The following DGKB variants were observed in gnomAD, a reference collection of about 807,000 sequenced individuals.
DGKB encodes the protein diacylglycerol kinase beta.
Under a neutral mutation model 114.3 loss-of-function variants are expected in DGKB, and 67 were observed. The ratio of observed to expected loss-of-function variants is 0.59; its 90% CI spans 0.48 to 0.72. The LOEUF is 0.72. Ranked by LOEUF, DGKB falls within the 30% of genes least tolerant of loss-of-function variation. The probability of loss-of-function intolerance (pLI) is 0.00; values close to 1 mark genes in which losing one functional copy is unlikely to be tolerated. For synonymous variants in DGKB, 398 were observed against 323.1 expected (o/e 1.23, Z -2.49); for missense variants, 907 against 975.2 (o/e 0.93, Z 0.93).
chr7:14,918,010 A>G (rs550392069), intron 1 of DGKB, among the ~76,000 whole-genome samples: 1 of 152,270 alleles, frequency 6.6e-6, no homozygotes, highest in African/African-American at 2.4e-5. Context: ...AAATTATACG[A>G]TCATATTAAT....
chr7:14,924,895 A>T (rs764606920), intron 1 of DGKB, among the ~76,000 whole-genome samples: 1 of 152,080 alleles, frequency 6.6e-6, no homozygotes, highest in Admixed American at 6.5e-5. Flanking sequence ...TTGCCTTTTG[A>T]TAATCACATC....
intron 5 of DGKB, among the ~76,000 whole-genome samples, chr7:14,728,748 G>A (rs1830395650): frequency 6.6e-6 from 1 of 151,432 alleles, no homozygotes; most frequent in Non-Finnish European, 1.5e-5. Flanking sequence ...CTGTCGTGCA[G>A]GCTGGAGTGC....
At chr7:14,551,091 G>T (rs1010618408) in intron 20 of DGKB, among the ~76,000 whole-genome samples, 14 of 152,080 alleles carry the variant, frequency 9.2e-5, no homozygotes, top group African/African-American at 3.1e-4. Context: ...GAAATTTATG[G>T]TTATGAGAAT....
chr7:14,782,934 G>A (rs1323366377), intron 2 of DGKB, among the ~76,000 whole-genome samples: 3 of 152,088 alleles, frequency 2.0e-5, no homozygotes, highest in Non-Finnish European at 4.4e-5. Flanking sequence ...CTGGGCTCAA[G>A]AAATCCCCCA....
chr7:14,372,791 A>G lies in DGKB; in HGVS notation c.1836-27400T>C, dbSNP rs1399747614. Reference sequence around the variant, plus strand: ...AAATGGCTATTTTTTCAAACATTTTAGCTCTAGAAGGATTTATTCAAGTTT... The same window carrying G: ...AAATGGCTATTTTTTCAAACATTTTGGCTCTAGAAGGATTTATTCAAGTTT... On this transcript the variant is annotated intron_variant, in intron 21 of 25. Coordinates refer to ENST00000402815, the MANE Select transcript of DGKB (RefSeq NM_001350709.2). Among the ~76,000 whole-genome samples the G allele has an allele frequency of 2.0e-5, 3 of 152,160 alleles. No homozygotes were observed. In the East Asian group the frequency reaches 5.8e-4, roughly 29 times the overall value.
At chr7:14,531,704 A>C (rs2128594364) in intron 20 of DGKB, among the ~76,000 whole-genome samples, 1 of 151,454 alleles carries the variant, frequency 6.6e-6, no homozygotes, top group Admixed American at 6.6e-5. Flanking sequence ...CTATGTGGAG[A>C]GAAAGAACCC....
chr7:14,198,155 A>G (rs1199552482), intron 23 of DGKB, among the ~76,000 whole-genome samples: 2 of 152,156 alleles, frequency 1.3e-5, no homozygotes, highest in African/African-American at 4.8e-5. Context: ...GTAAGTAAAA[A>G]GGATCTGCTT....
intron 20 of DGKB, among the ~76,000 whole-genome samples, chr7:14,564,943 A>G (rs543264164): frequency 2.4e-4 from 36 of 152,196 alleles, no homozygotes; most frequent in African/African-American, 8.2e-4. Context: ...TAATCTCGTC[A>G]GTCCACACTG....
Position 14,313,699 on chromosome 7 carries a change from T to G in DGKB, c.2122+24816A>C, listed in dbSNP as rs891241179. The stretch of plus-strand genomic sequence containing the variant: ...TCAAACTGCAAGGCGGCAGCGAGGC[T>G]GGGGGAGGGGCGCCCGCCATTGCCC... On this transcript the variant is annotated intron_variant, in intron 23 of 25. Transcript: ENST00000402815. Among the ~76,000 whole-genome samples the G allele has an allele frequency of 4.3e-4, 65 of 151,840 alleles. 1 individual carries two copies. Among genetic ancestry groups the G allele is most frequent in the South Asian group, 4.2e-3 (20 of 4,808 alleles).
At chr7:14,603,000 A>G (rs1803835971) in intron 17 of DGKB, among the ~76,000 whole-genome samples, 3 of 152,290 alleles carry the variant, frequency 2.0e-5, no homozygotes, top group East Asian at 1.9e-4. Flanking sequence ...CTTTAAAATC[A>G]TAGTGCATTT....
chr7:14,459,843 G>T (rs911219108), intron 21 of DGKB, among the ~76,000 whole-genome samples: 1 of 152,188 alleles, frequency 6.6e-6, no homozygotes, highest in African/African-American at 2.4e-5. Context: ...AGGGCAGCCA[G>T]AGAGACAGGT....
At chr7:14,351,695 T>C in intron 21 of DGKB, among the ~76,000 whole-genome samples, 1 of 152,170 alleles carries the variant, frequency 6.6e-6, no homozygotes, top group Non-Finnish European at 1.5e-5. Context: ...TTACTCAAAT[T>C]TGTAAAAATT....
In DGKB at chr7:14,916,705, C is replaced by T. The variant is rs527914435; in HGVS notation, c.-188+57991G>A. Among the ~76,000 whole-genome samples, 399 of 152,158 alleles carry T rather than the reference C, an allele frequency of 2.6e-3. 2 individuals are homozygous for T. The highest frequency in any genetic ancestry group is 9.0e-3 in the African/African-American group (373 of 41,568). ...TCATTATTATAGTTGGAAAGTTCAA[C>T]ACCTCTATAACAGCTATTGACAGCT... On this transcript the variant is annotated intron_variant, in intron 1 of 4. Coordinates refer to the DGKB transcript ENST00000437998.
chr7:14,293,768 A>T (rs1802115347), intron 23 of DGKB, among the ~76,000 whole-genome samples: 1 of 152,146 alleles, frequency 6.6e-6, no homozygotes, highest in Non-Finnish European at 1.5e-5. Flanking sequence ...AAAACTCTCC[A>T]GTTTGAAACC....
In DGKB at chr7:14,242,866, GT is replaced by G. The variant is rs10656701; in HGVS notation, c.2123-64716del. Among the ~76,000 whole-genome samples the G allele has an allele frequency of 6.7e-4, 98 of 146,166 alleles. 1 individual carries two copies. The Middle Eastern group carries it at 0.018, about 27-fold the overall frequency. ...AAACCCATCCAAATATATGAAGGCT[GT>G]TTTTTTTTTTTTTAAAGTATGTGAC... On this transcript the variant is annotated intron_variant, in intron 23 of 25. Transcript: ENST00000402815.
At chr7:14,559,953 TTCCCTCCCTTTC>T (rs1273223687) in intron 20 of DGKB, among the ~76,000 whole-genome samples, 2 of 151,640 alleles carry the variant, frequency 1.3e-5, no homozygotes, top group African/African-American at 4.8e-5. Flanking sequence ...TCCTCTCTTC[TTCCCTCCCTTTC>T]TCCCTCCCTT....
intron 21 of DGKB, among the ~76,000 whole-genome samples, chr7:14,442,677 C>T (rs1173717287): frequency 2.0e-5 from 3 of 151,890 alleles, no homozygotes; most frequent in African/African-American, 4.8e-5. Context: ...TAATATTTTA[C>T]CACATATTAT....
At chr7:14,906,447 C>CTTTTTTTTTTTTTTTTTTTT (rs34250901), upstream of DGKB, among the ~76,000 whole-genome samples, 2 of 103,884 alleles carry the variant, frequency 1.9e-5, no homozygotes, top group Non-Finnish European at 3.9e-5. Context: ...TTTTTTCTGT[C>CTTTTTTTTTTTTTTTTTTTT]TTTTTTTTTT....
chr7:14,196,865 GA>G (rs752032952), intron 23 of DGKB, among the ~76,000 whole-genome samples: 3 of 151,936 alleles, frequency 2.0e-5, no homozygotes, highest in Non-Finnish European at 4.4e-5. Context: ...AAATCTCTGT[GA>G]AAAAGTTTTC....
Sources: allele counts gnomAD v4.1 joint callset (sites outside exome capture counted in the v4.1 genomes callset), GRCh38; gene constraint gnomAD v4.1.1; transcripts MANE v1.5; gene names NCBI Gene and HGNC (gene_info 2026-07-23, HGNC 2026-07-21).